The following NOSTRIN variants were observed in gnomAD, a reference collection of about 807,000 sequenced individuals.
The protein encoded by NOSTRIN is nitric oxide synthase trafficking.
A neutral mutation model predicts 59.0 loss-of-function variants in NOSTRIN; 63 were observed. The ratio of observed to expected loss-of-function variants is 1.07; its 90% CI spans 0.87 to 1.32. The LOEUF is 1.32. NOSTRIN is among the 40% of genes most tolerant of loss of function. The pLI, the probability that NOSTRIN is intolerant of heterozygous loss-of-function variation, is 0.00. For missense variants in NOSTRIN, 512 were observed against 473.1 expected, an observed-to-expected ratio of 1.08 and a Z score of -0.76; for synonymous variants, 200 against 165.4, an observed-to-expected ratio of 1.21 and a Z score of -1.61.
upstream of NOSTRIN, among the ~76,000 whole-genome samples, chr2:168,797,816 T>G (rs543345329): frequency 1.3e-5 from 2 of 152,108 alleles, no homozygotes; most frequent in Non-Finnish European, 1.5e-5. Context: ...TGTCTCTACC[T>G]TGTGCCTCTG....
In NOSTRIN at chr2:168,861,948, T is replaced by TATC; in HGVS notation, c.1295-11_1295-9dup. On this transcript the variant is annotated splice_polypyrimidine_tract_variant and intron_variant, in intron 14 of 15. Coordinates refer to ENST00000317647, the MANE Select transcript of NOSTRIN (RefSeq NM_001039724.4). ...TAACACAGCATACTAATTACAGCTT[T>TATC]ATCTATTTCAGCCCCTGGTGCAGCC... 6.2e-7 allele frequency: 1 copy of TATC among 1,613,574 alleles called. No individual in the cohort carries two copies.
chr2:168,800,610 T>TACC (rs1685585878), upstream of NOSTRIN, among the ~76,000 whole-genome samples: 1 of 152,162 alleles, frequency 6.6e-6, no homozygotes, highest in Non-Finnish European at 1.5e-5. Flanking sequence ...AGGAGTGCCC[T>TACC]ACCAATCTAT....
At chr2:168,812,210 G>C (rs571173839) in intron 2 of NOSTRIN, 1 of 152,280 alleles carries the variant, frequency 6.6e-6, no homozygotes, top group East Asian at 1.9e-4. Flanking sequence ...TGAAAGCCCT[G>C]CTTGAAATGA....
chr2:168,796,644 A>G (rs559595387), upstream of NOSTRIN, among the ~76,000 whole-genome samples: 44 of 152,292 alleles, frequency 2.9e-4, no homozygotes, highest in Non-Finnish European at 5.7e-4. Flanking sequence ...TCATCTGTTT[A>G]TATCTTTTAA....
intron 8 of NOSTRIN, among the ~76,000 whole-genome samples, chr2:168,843,495 T>A (rs1688216602): frequency 6.6e-6 from 1 of 152,162 alleles, no homozygotes; most frequent in African/African-American, 2.4e-5. Flanking sequence ...AGGCATCGTG[T>A]TAGGCACTGG....
At chr2:168,837,125 C>T (rs368021443) in intron 7 of NOSTRIN, among the ~76,000 whole-genome samples, 7 of 152,078 alleles carry the variant, frequency 4.6e-5, no homozygotes, top group African/African-American at 9.7e-5. Flanking sequence ...GTTCCACCCT[C>T]ATGGCCTAAT....
chr2:168,816,270 C>A (rs532627678), intron 2 of NOSTRIN, among the ~76,000 whole-genome samples: 1 of 152,184 alleles, frequency 6.6e-6, no homozygotes, highest in Non-Finnish European at 1.5e-5. Flanking sequence ...CTGTCTTTAA[C>A]GCGCCTTTCA....
At chr2:168,821,247 T>C (rs561547091) in intron 2 of NOSTRIN, among the ~76,000 whole-genome samples, 7 of 152,346 alleles carry the variant, frequency 4.6e-5, no homozygotes, top group East Asian at 1.9e-4. Flanking sequence ...GAAGGGTTTA[T>C]GTGTCTAGGT....
At position 168,847,601 on chromosome 2, in the gene NOSTRIN, G is replaced by A. The variant is rs1294179026; in HGVS notation, c.631-3483G>A. 3.6e-4 allele frequency among the ~76,000 whole-genome samples: 55 copies of A among 152,290 alleles called. 1 individual carries two copies. Among genetic ancestry groups the A allele is most frequent in the Non-Finnish European group, 8.8e-5 (6 of 68,016 alleles). On this transcript the variant is annotated intron_variant, in intron 8 of 15. Coordinates refer to ENST00000317647, the MANE Select transcript of NOSTRIN (RefSeq NM_001039724.4). Reference sequence around the variant, plus strand: ...TAGGACAGCAAGAACTGGAAGGAACGAATGAAGAACAAATTGTCATGATGC... The same window carrying A: ...TAGGACAGCAAGAACTGGAAGGAACAAATGAAGAACAAATTGTCATGATGC...
upstream of NOSTRIN, among the ~76,000 whole-genome samples, chr2:168,800,635 G>T (rs1030165804): frequency 1.3e-5 from 2 of 152,290 alleles, no homozygotes; most frequent in Admixed American, 1.3e-4. Context: ...CGTATACAAA[G>T]ATCACAGTAG....
intron 6 of NOSTRIN, among the ~76,000 whole-genome samples, chr2:168,833,573 T>C (rs1559121834): frequency 6.6e-6 from 1 of 152,224 alleles, no homozygotes; most frequent in Non-Finnish European, 1.5e-5. Context: ...TTCAGTTAAA[T>C]TCAACCATGT....
chr2:168,844,401 A>AT (rs1163352723), intron 8 of NOSTRIN, among the ~76,000 whole-genome samples: 1 of 151,872 alleles, frequency 6.6e-6, no homozygotes, highest in Non-Finnish European at 1.5e-5. Flanking sequence ...TTTAAAAAAA[A>AT]AATGTTTAAA....
chr2:168,840,110 C>T (rs1000617033), intron 7 of NOSTRIN, among the ~76,000 whole-genome samples: 2 of 151,628 alleles, frequency 1.3e-5, no homozygotes, highest in African/African-American at 4.8e-5. Flanking sequence ...AATAAGAATC[C>T]GAGGACAATG....
At chr2:168,796,159 C>T (rs74665622), upstream of NOSTRIN, among the ~76,000 whole-genome samples, 7 of 152,338 alleles carry the variant, frequency 4.6e-5, no homozygotes, top group Admixed American at 2.0e-4. Flanking sequence ...TAAACACTGC[C>T]ATGGCACTCA....
At chr2:168,829,831 G>T (rs971806741) in intron 5 of NOSTRIN, among the ~76,000 whole-genome samples, 1 of 152,168 alleles carries the variant, frequency 6.6e-6, no homozygotes, top group Non-Finnish European at 1.5e-5. Context: ...GTGAAGGGAA[G>T]GGGCAGTGGT....
chr2:168,788,169 G>A (rs1685253874), intron 2 of NOSTRIN: 1 of 151,060 alleles, frequency 6.6e-6, no homozygotes, highest in South Asian at 2.1e-4. Context: ...GAGCCCAGGA[G>A]TTCAAGGCTG....
At chr2:168,850,814 T>TC in intron 8 of NOSTRIN, 11 of 775,308 alleles carry the variant, frequency 1.4e-5, no homozygotes, top group Admixed American at 2.2e-5. Flanking sequence ...TCTTCTTTTC[T>TC]CCCCCTTCCT....
chr2:168,850,023 C>CTTA (rs973904118), intron 8 of NOSTRIN, among the ~76,000 whole-genome samples: 3 of 150,506 alleles, frequency 2.0e-5, no homozygotes, highest in Admixed American at 6.7e-5. Flanking sequence ...TCAGGCAATT[C>CTTA]TGCCTCAACC....
chr2:168,820,255 A>G (rs1446802514), intron 2 of NOSTRIN, among the ~76,000 whole-genome samples: 1 of 152,130 alleles, frequency 6.6e-6, no homozygotes, highest in African/African-American at 2.4e-5. Context: ...CAGGCTAGTG[A>G]CTGACCCAAC....
Sources: gnomAD v4.1 joint callset for allele counts (sites outside exome capture counted in the v4.1 genomes callset) on GRCh38, gnomAD v4.1.1 for gene constraint, MANE v1.5 for transcripts, NCBI Gene and HGNC (gene_info 2026-07-23, HGNC 2026-07-21) for gene names.